C20orf203: variants seen among roughly 807,000 people sequenced by gnomAD.
C20orf203 encodes the protein uncharacterized protein C20orf203.
Under a neutral mutation model 15.9 loss-of-function variants are expected in C20orf203, and 16 were observed. The ratio of observed to expected loss-of-function variants is 1.01; its 90% CI spans 0.68 to 1.53. The LOEUF (loss-of-function observed/expected upper bound fraction) is 1.53. Among genes scored for constraint, C20orf203 ranks in the 40% most tolerant of loss-of-function variants. The pLI is 0.00. For missense variants in C20orf203, 263 were observed against 247.5 expected (o/e 1.06, Z -0.42); for synonymous variants, 98 against 97.2 (o/e 1.01, Z -0.05).
intron 1 of C20orf203, among the ~76,000 whole-genome samples, chr20:32,659,819 G>A (rs935936480): frequency 6.6e-6 from 1 of 152,238 alleles, no homozygotes; most frequent in African/African-American, 2.4e-5. Flanking sequence ...GGGGCCATGG[G>A]CATGCTCCCC....
intron 1 of C20orf203, among the ~76,000 whole-genome samples, chr20:32,668,643 A>T (rs6119927): frequency 0.017 from 2,631 of 151,660 alleles, 53 homozygotes; most frequent in African/African-American, 0.049. Flanking sequence ...AATAAATAAA[A>T]AAATAAAAAT....
At chr20:32,669,050 G>GGGAGGAAGCCTTAGTGCATGC (rs1983101371) in intron 1 of C20orf203, among the ~76,000 whole-genome samples, 1 of 152,186 alleles carries the variant, frequency 6.6e-6, no homozygotes, top group South Asian at 2.1e-4. Flanking sequence ...TGGCCACAGC[G>GGGAGGAAGCCTTAGTGCATGC]GGAGGAAGCC....
chr20:32,652,140 C>G (rs1163121150), intron 1 of C20orf203, among the ~76,000 whole-genome samples, 159 bp from the exon 2 acceptor site: 1 of 151,884 alleles, frequency 6.6e-6, no homozygotes, highest in African/African-American at 2.4e-5. Context: ...AAAACCTCGT[C>G]TCTACTAAAA....
intron 5 of C20orf203, among the ~76,000 whole-genome samples, chr20:32,638,716 C>T (rs1260122449): frequency 6.6e-6 from 1 of 152,248 alleles, no homozygotes; most frequent in African/African-American, 2.4e-5. Flanking sequence ...GCTGTCCTTG[C>T]TTCCTCTTCT....
At chr20:32,645,015 C>T (rs759363142) in intron 4 of C20orf203, among the ~76,000 whole-genome samples, 3 of 151,992 alleles carry the variant, frequency 2.0e-5, no homozygotes, top group African/African-American at 7.3e-5. Flanking sequence ...AAACCCTGTG[C>T]CACACCTCGC....
chr20:32,632,124 C>T lies in C20orf203; in HGVS notation c.*3446G>A, dbSNP rs1013053724. 8.5e-5 allele frequency: 13 copies of T among 152,260 alleles called. No homozygotes were observed. The highest frequency in any genetic ancestry group is 3.3e-4 in the Admixed American group (5 of 15,278). 9.4% of individuals were successfully genotyped at this position (152,260 alleles called of 1,614,324 possible). On this transcript the variant is annotated 3_prime_UTR_variant, in exon 6 of 6. Transcript: ENST00000608990. ...CTTAGGCAGGATGCCGCGTGGAACC[C>T]AGAGCAGTCTCCCCAGCCTGGGCTT...
chr20:32,646,239 C>T (rs1481721968), intron 4 of C20orf203, among the ~76,000 whole-genome samples: 6 of 145,612 alleles, frequency 4.1e-5, no homozygotes, highest in Non-Finnish European at 6.0e-5. Flanking sequence ...GACAGAGTCT[C>T]GCTCGATTTT....
At chr20:32,641,333 C>CAAAAAAAAAA (rs71338447) in intron 4 of C20orf203, among the ~76,000 whole-genome samples, 1 of 57,000 alleles carries the variant, frequency 1.8e-5, no homozygotes, top group Non-Finnish European at 3.5e-5. Context: ...CTCAAAAACT[C>CAAAAAAAAAA]AAAAAAAAAA....
At chr20:32,669,924 G>A (rs1187557370) in intron 1 of C20orf203, among the ~76,000 whole-genome samples, 3 of 152,186 alleles carry the variant, frequency 2.0e-5, no homozygotes, top group Non-Finnish European at 2.9e-5. Context: ...ATATCCGGCC[G>A]GGCACAGTTG....
Position 32,651,153 on chromosome 20 carries a change from A to G in C20orf203, c.-1T>C. On this transcript the variant is annotated 5_prime_UTR_variant, in exon 3 of 6. Transcript: ENST00000608990. The stretch of plus-strand genomic sequence containing the variant: ...AGTTCAAGACAGGCCTAGGAAACAT[A>G]GGAGACCCTCTCTCTAAAAAAAAAA... The G allele has an allele frequency of 2.0e-6, 1 of 505,076 alleles. No homozygotes were observed. Among genetic ancestry groups the G allele is most frequent in the Non-Finnish European group, 3.2e-6 (1 of 312,070 alleles). The allele number at this position is 505,076 out of a possible 1,614,324, so 31.3% of individuals were successfully genotyped here.
intron 5 of C20orf203, among the ~76,000 whole-genome samples, chr20:32,635,295 C>T (rs1224128901): frequency 1.3e-5 from 2 of 151,220 alleles, no homozygotes; most frequent in African/African-American, 2.4e-5. Context: ...GTCAGGAGTT[C>T]AAGAGCAGCC....
At position 32,650,427 on chromosome 20, in the gene C20orf203, C is replaced by A; in HGVS notation, c.*5G>T. 2 of 1,546,706 alleles carry A rather than the reference C, an allele frequency of 1.3e-6. No homozygotes were observed. Among genetic ancestry groups the A allele is most frequent in the Non-Finnish European group, 1.7e-6 (2 of 1,144,398 alleles). ...GAGCTGGGGGTGGGGGCGCCCTGGG[C>A]TCGGCTAATTAAACAGCGACCGTGA... On this transcript the variant is annotated 3_prime_UTR_variant, in exon 4 of 6. Coordinates refer to ENST00000608990, the MANE Select transcript of C20orf203 (RefSeq NM_182584.4).
intron 1 of C20orf203, among the ~76,000 whole-genome samples, chr20:32,662,212 G>A (rs1982906712): frequency 6.6e-6 from 1 of 152,226 alleles, no homozygotes; most frequent in African/African-American, 2.4e-5. Flanking sequence ...TTTAGTCTTT[G>A]TTTTGGGGGC....
chr20:32,633,157 A>T lies in C20orf203; in HGVS notation c.*2413T>A, dbSNP rs1982045642. Reference sequence around the variant, plus strand: ...AGATTTGGTGGGGACACAGAGTCAAACTATATCAGTGACTCACCATCCCAG... The same window carrying T: ...AGATTTGGTGGGGACACAGAGTCAATCTATATCAGTGACTCACCATCCCAG... On this transcript the variant is annotated 3_prime_UTR_variant, in exon 6 of 6. Coordinates refer to ENST00000608990, the MANE Select transcript of C20orf203 (RefSeq NM_182584.4). 1 of 152,186 alleles carries T rather than the reference A, an allele frequency of 6.6e-6. No individual in the cohort carries two copies. Among genetic ancestry groups the T allele is most frequent in the African/African-American group, 2.4e-5 (1 of 41,434 alleles). The allele number at this position is 152,186 out of a possible 1,614,324, so 9.4% of individuals were successfully genotyped here.
In C20orf203 at chr20:32,633,435, A is replaced by G. The variant is rs546224798; in HGVS notation, c.*2135T>C. ...TCATAACAGCCCCAGGAGGCAGACA[A>G]CGAGGCACAGATAGAACTTGTGACA... On this transcript the variant is annotated 3_prime_UTR_variant, in exon 6 of 6. Transcript: ENST00000608990. 1 of 152,286 alleles carries G rather than the reference A, an allele frequency of 6.6e-6. No homozygotes were observed. Among genetic ancestry groups the G allele is most frequent in the African/African-American group, 2.4e-5 (1 of 41,528 alleles). The allele number at this position is 152,286 out of a possible 1,614,324, so 9.4% of individuals were successfully genotyped here.
intron 4 of C20orf203, among the ~76,000 whole-genome samples, chr20:32,644,097 C>G (rs879417332): frequency 6.6e-6 from 1 of 152,186 alleles, no homozygotes; most frequent in Non-Finnish European, 1.5e-5. Flanking sequence ...CCAAACCAGA[C>G]AGAATACCCA....
chr20:32,664,989 C>T (rs1982985074), intron 1 of C20orf203, among the ~76,000 whole-genome samples: 1 of 152,234 alleles, frequency 6.6e-6, no homozygotes, highest in Admixed American at 6.5e-5. Context: ...AAGCCCAAAT[C>T]CATTCTGGCT....
chr20:32,644,755 C>T (rs1205791158), intron 4 of C20orf203, among the ~76,000 whole-genome samples: 1 of 144,350 alleles, frequency 6.9e-6, no homozygotes, highest in Non-Finnish European at 1.6e-5. Flanking sequence ...TCCCTAGGCC[C>T]TGCGAGGTTT....
chr20:32,647,766 T>G (rs1380620456), intron 4 of C20orf203, among the ~76,000 whole-genome samples: 1 of 151,788 alleles, frequency 6.6e-6, no homozygotes. Context: ...CCACCCGGAG[T>G]TGAAAGGGTG....
Sources: gnomAD v4.1 joint callset for allele counts (sites outside exome capture counted in the v4.1 genomes callset) on GRCh38, gnomAD v4.1.1 for gene constraint, MANE v1.5 for transcripts, NCBI Gene and HGNC (gene_info 2026-07-23, HGNC 2026-07-21) for gene names.